TBC1D22A: variants seen among roughly 807,000 people sequenced by gnomAD.
TBC1D22A encodes the protein putative GTPase activator.
In TBC1D22A, 38 loss-of-function variants were observed where a neutral mutation model predicts 60.2. The ratio of observed to expected loss-of-function variants is 0.63; its 90% CI spans 0.49 to 0.83. The LOEUF is 0.83. TBC1D22A is among the 40% of genes least tolerant of loss of function. The pLI, the probability that TBC1D22A is intolerant of heterozygous loss-of-function variation, is 0.00. For synonymous variants in TBC1D22A, 302 were observed against 281.7 expected (o/e 1.07, Z -0.72); for missense variants, 628 against 701.0 (o/e 0.90, Z 1.18).
In TBC1D22A at chr22:47,094,838, AGAG is replaced by A. The variant is rs1407271354; in HGVS notation, c.1330-16666_1330-16664del. On this transcript the variant is annotated intron_variant, in intron 11 of 12. Coordinates refer to ENST00000337137, the MANE Select transcript of TBC1D22A (RefSeq NM_014346.5). The stretch of plus-strand genomic sequence containing the variant: ...CCCTGATCAGCCCCCGAGGCTGTAG[AGAG>A]GAGAACCCGTCCTGTGACTCACTAG... 2.0e-5 allele frequency among the ~76,000 whole-genome samples: 3 copies of A among 151,870 alleles called. No individual in the cohort carries two copies. The East Asian group carries it at 5.8e-4, about 29-fold the overall frequency.
rs55690775 is a variant in TBC1D22A at position 47,173,189 on chromosome 22, G to A, written c.1426-309G>A. Among the ~76,000 whole-genome samples the A allele has an allele frequency of 5.9e-3, 894 of 152,326 alleles. 2 individuals are homozygous for A. The highest frequency in any genetic ancestry group is 9.7e-3 in the Non-Finnish European group (661 of 68,024). On this transcript the variant is annotated intron_variant, in intron 12 of 12. Coordinates refer to ENST00000337137, the MANE Select transcript of TBC1D22A (RefSeq NM_014346.5). ...TCTCAGATGCCGGACTTGGAGCTGC[G>A]CAGTGGGCCTCCTGCCTGGCTGCTG...
chr22:47,114,810 T>G (rs1197578549), intron 12 of TBC1D22A, among the ~76,000 whole-genome samples: 1 of 152,134 alleles, frequency 6.6e-6, no homozygotes, highest in Non-Finnish European at 1.5e-5. Flanking sequence ...GACCCTCCTG[T>G]TGTTAAACAG....
intron 11 of TBC1D22A, among the ~76,000 whole-genome samples, chr22:47,077,521 G>T (rs761852730): frequency 2.6e-5 from 4 of 152,220 alleles, no homozygotes; most frequent in African/African-American, 9.7e-5. Context: ...TCTGCTGGGG[G>T]GTCTGAAAGG....
At chr22:46,964,365 T>C (rs915055429) in intron 8 of TBC1D22A, among the ~76,000 whole-genome samples, 7 of 152,150 alleles carry the variant, frequency 4.6e-5, no homozygotes, top group Non-Finnish European at 1.0e-4. Context: ...CACCTACAGA[T>C]GACCTGCAGA....
In TBC1D22A at chr22:47,150,920, C is replaced by T. The variant is rs115692003; in HGVS notation, c.1426-22578C>T. On this transcript the variant is annotated intron_variant, in intron 12 of 12. Coordinates refer to ENST00000337137, the MANE Select transcript of TBC1D22A (RefSeq NM_014346.5). ...TTCCGTGGGAACTCTGTGGCCCTCA[C>T]GTGGCGTGCATGTGGCTGTGTGGCC... Among the ~76,000 whole-genome samples, 1,205 of 152,316 alleles carry T rather than the reference C, an allele frequency of 7.9e-3. 19 individuals carry two copies. The highest frequency in any genetic ancestry group is 0.028 in the African/African-American group (1,149 of 41,564).
At chr22:46,903,322 G>A (rs1366359869) in intron 7 of TBC1D22A, among the ~76,000 whole-genome samples, 1 of 152,200 alleles carries the variant, frequency 6.6e-6, no homozygotes, top group Non-Finnish European at 1.5e-5. Flanking sequence ...AGTTCAGCCT[G>A]CGGGGGCGTC....
At position 46,944,619 on chromosome 22, in the gene TBC1D22A, T is replaced by C. The variant is rs369580668; in HGVS notation, c.1016-29671T>C. On this transcript the variant is annotated intron_variant, in intron 8 of 12. Coordinates refer to ENST00000337137, the MANE Select transcript of TBC1D22A (RefSeq NM_014346.5). Reference sequence around the variant, plus strand: ...TTCACCGTGTTAGCCAGGATGGTCTTGATCTCATGACCTTGTAATCTGCCC... The same window carrying C: ...TTCACCGTGTTAGCCAGGATGGTCTCGATCTCATGACCTTGTAATCTGCCC... Among the ~76,000 whole-genome samples the C allele has an allele frequency of 1.9e-3, 291 of 152,336 alleles. 1 individual carries two copies. The highest frequency in any genetic ancestry group is 2.7e-3 in the Non-Finnish European group (185 of 68,034).
intron 8 of TBC1D22A, chr22:46,915,874 CTCATCGT>C (rs1329899344): frequency 4.4e-6 from 2 of 451,544 alleles, no homozygotes; most frequent in Non-Finnish European, 9.0e-6. Context: ...TCGGGAGTGG[CTCATCGT>C]TCTGGCTGTC....
At chr22:46,835,797 T>G (rs1406150693) in intron 4 of TBC1D22A, among the ~76,000 whole-genome samples, 1 of 152,076 alleles carries the variant, frequency 6.6e-6, no homozygotes, top group Non-Finnish European at 1.5e-5. Flanking sequence ...AATTAAACTG[T>G]CAAAAGTCAA....
intron 12 of TBC1D22A, among the ~76,000 whole-genome samples, chr22:47,158,939 A>G (rs540406143): frequency 6.7e-6 from 1 of 150,362 alleles, no homozygotes; most frequent in Admixed American, 6.6e-5. Context: ...CTCACCATGT[A>G]CACACACACA....
chr22:46,887,330 G>T (rs1445700764), intron 5 of TBC1D22A, among the ~76,000 whole-genome samples: 1 of 152,214 alleles, frequency 6.6e-6, no homozygotes, highest in Admixed American at 6.5e-5. Context: ...TCAAGTGTTG[G>T]CAAGGATGTA....
chr22:46,824,667 G>A (rs1039111952), intron 4 of TBC1D22A, among the ~76,000 whole-genome samples: 1 of 152,182 alleles, frequency 6.6e-6, no homozygotes, highest in Non-Finnish European at 1.5e-5. Context: ...CAGTTAGGAG[G>A]GTGGTGGCTG....
At chr22:47,154,085 C>T (rs966732939) in intron 12 of TBC1D22A, among the ~76,000 whole-genome samples, 1 of 152,100 alleles carries the variant, frequency 6.6e-6, no homozygotes, top group Admixed American at 6.5e-5. Context: ...GAAGAGGGCG[C>T]GTGGCTGGCG....
At chr22:47,041,754 T>A (rs2062850670) in intron 11 of TBC1D22A, among the ~76,000 whole-genome samples, 1 of 152,132 alleles carries the variant, frequency 6.6e-6, no homozygotes, top group African/African-American at 2.4e-5. Flanking sequence ...TTGGCAGACG[T>A]TTTCTGTAAA....
chr22:46,768,539 C>T (rs2083376632), intron 1 of TBC1D22A, among the ~76,000 whole-genome samples: 1 of 149,416 alleles, frequency 6.7e-6, no homozygotes, highest in Non-Finnish European at 1.5e-5. Context: ...CTCTGACTGT[C>T]TGGGCTGGTT....
chr22:47,156,747 G>T (rs78722806), intron 12 of TBC1D22A, among the ~76,000 whole-genome samples: 4,459 of 152,216 alleles, frequency 0.029, 216 homozygotes, highest in African/African-American at 0.099. Context: ...ATGGATCCGT[G>T]TAAGTGCACT....
At chr22:46,801,578 A>C (rs1040077582) in intron 4 of TBC1D22A, among the ~76,000 whole-genome samples, 5 of 152,240 alleles carry the variant, frequency 3.3e-5, no homozygotes, top group African/African-American at 1.2e-4. Context: ...ATGACACTCA[A>C]GTTGGTCACA....
At chr22:47,004,309 C>T (rs1416625822) in intron 10 of TBC1D22A, among the ~76,000 whole-genome samples, 1 of 148,436 alleles carries the variant, frequency 6.7e-6, no homozygotes, top group Non-Finnish European at 1.5e-5. Flanking sequence ...ACATACACAA[C>T]CCCTCATACA....
intron 4 of TBC1D22A, among the ~76,000 whole-genome samples, chr22:46,827,466 G>A (rs1234179385): frequency 6.6e-6 from 1 of 152,196 alleles, no homozygotes; most frequent in East Asian, 1.9e-4. Context: ...CAGCCACCCA[G>A]AGCCCCTTCG....
Sources: gnomAD v4.1 joint callset for allele counts (sites outside exome capture counted in the v4.1 genomes callset) on GRCh38, gnomAD v4.1.1 for gene constraint, MANE v1.5 for transcripts, NCBI Gene and HGNC (gene_info 2026-07-23, HGNC 2026-07-21) for gene names.